The following TBX21 variants were observed in gnomAD, a reference collection of about 807,000 sequenced individuals.
The protein encoded by TBX21 is T-box transcription factor TBX21.
In TBX21, 11 loss-of-function variants were observed where a neutral mutation model predicts 52.2. The ratio of observed to expected loss-of-function variants is 0.21; its 90% CI spans 0.13 to 0.35. The LOEUF is 0.35. TBX21 is among the 10% of genes least tolerant of loss of function. The pLI is 1.00. For synonymous variants in TBX21, 300 were observed against 316.1 expected (o/e 0.95, Z 0.54); for missense variants, 625 against 755.1 (o/e 0.83, Z 2.02).
rs1018873771 is a variant in TBX21, at chr17:47,744,092, C to T, written c.769-103C>T. ...AGCAGGGGAATGGACAGGATGACCT[C>T]AAGGTGCTTGCTAGCCTCACGTGGG... On this transcript the variant is annotated intron_variant, in intron 3 of 5. Transcript: ENST00000177694. The T allele has an allele frequency of 6.2e-6, 9 of 1,457,844 alleles. No homozygotes were observed. The Admixed American group carries it at 1.7e-4, about 28-fold the overall frequency. The allele number at this position is 1,457,844 out of a possible 1,614,324, so 90.3% of individuals were successfully genotyped here. A position where few individuals can be genotyped will look rare whatever the true frequency, so the allele number is the denominator to read the frequency against.
In TBX21 at chr17:47,733,820, T is replaced by A; in HGVS notation, c.366T>A (p.Arg122=). 6.2e-7 allele frequency: 1 copy of A among 1,602,386 alleles called. No homozygotes were observed. The highest frequency in any genetic ancestry group is 8.5e-7 in the Non-Finnish European group (1 of 1,175,506). ...GCGCCGGGCTCTACCCGGGGCCGCG[T>A]GAGGACTACGCGCTACCCGCGGGAC... is the stretch of plus-strand genomic sequence containing the variant. ...DPRAGLYPGP[R]EDYALPAGLE... The change falls in exon 1 of 6, where the codon CGT becomes CGA. Residue 122 remains arginine (R), a synonymous_variant. Transcript: ENST00000177694. This position sits in a 1 kb window ranked among gnomAD's most constrained non-coding sequence, Gnocchi z 6.6.
chr17:47,739,748 C>T (rs907766829), intron 1 of TBX21, among the ~76,000 whole-genome samples: 5 of 144,956 alleles, frequency 3.4e-5, no homozygotes, highest in South Asian at 2.2e-4. Flanking sequence ...GGCAACAGAG[C>T]GAGACTCCGT....
chr17:47,733,705 C>A lies in TBX21; in HGVS notation c.251C>A (p.Ala84Asp), dbSNP rs1315836956. The change falls in exon 1 of 6, where the codon GCC becomes GAC. Residue 84 changes from alanine to aspartate, a missense_variant. Physicochemically the swap from Ala to Asp is moderately radical, Grantham distance 126. Coordinates refer to ENST00000177694, the MANE Select transcript of TBX21 (RefSeq NM_013351.2). This position sits in a 1 kb window ranked among gnomAD's most constrained non-coding sequence, Gnocchi z 6.6. ...AYAYPPRPQA[A>D]GFPGAGESFP... is the part of the protein sequence containing the mutation. ...GCCTACCCGCCGCGACCCCAGGCGG[C>A]CGGCTTCCCCGGCGCGGGCGAGTCC... The A allele has an allele frequency of 4.2e-6, 6 of 1,416,730 alleles. No individual in the cohort carries two copies. The East Asian group carries it at 1.9e-4, about 44-fold the overall frequency. 87.8% of individuals were successfully genotyped at this position (1,416,730 alleles called of 1,614,324 possible). A position where few individuals can be genotyped will look rare whatever the true frequency, so the allele number is the denominator to read the frequency against.
rs946672249 is a variant in TBX21 at position 47,733,634 on chromosome 17, G to A, written c.180G>A (p.Gly60=). Residue 60 remains glycine, a synonymous_variant, in exon 1 of 6, where the codon GGG becomes GGA. Transcript: ENST00000177694. The surrounding 1 kb of genome is among the most constrained non-coding windows in gnomAD (Gnocchi z 6.6). ...GGGSLGSPYP[G]GALVPAPPSR... ...GCAGCCTGGGGTCTCCCTACCCGGG[G>A]GGCGCCTTGGTGCCCGCCCCGCCGA... is the stretch of plus-strand genomic sequence containing the variant. 6.2e-6 allele frequency: 9 copies of A among 1,449,700 alleles called. No homozygotes were observed. The highest frequency in any genetic ancestry group is 8.1e-6 in the Non-Finnish European group (9 of 1,106,368). The allele number at this position is 1,449,700 out of a possible 1,614,324, so 89.8% of individuals were successfully genotyped here. A position where few individuals can be genotyped will look rare whatever the true frequency, so the allele number is the denominator to read the frequency against.
At chr17:47,737,946 A>T (rs932344085) in intron 1 of TBX21, among the ~76,000 whole-genome samples, 29 of 151,966 alleles carry the variant, frequency 1.9e-4, no homozygotes, top group Admixed American at 3.9e-4. Context: ...ATCTTAAAAA[A>T]TTTTTTTTAA....
chr17:47,737,199 G>A (rs781109701), intron 1 of TBX21, among the ~76,000 whole-genome samples: 2 of 152,162 alleles, frequency 1.3e-5, no homozygotes, highest in Non-Finnish European at 2.9e-5. Flanking sequence ...AGGCTTGTGC[G>A]AGGGTTTCTG....
chr17:47,744,461 C>G (rs1302366635), intron 4 of TBX21, 21 bp from the exon 5 acceptor site: 1 of 1,614,098 alleles, frequency 6.2e-7, no homozygotes, highest in South Asian at 1.1e-5. Context: ...ACTCAGGTGA[C>G]TCTATTTCCC....
intron 1 of TBX21, among the ~76,000 whole-genome samples, chr17:47,740,269 T>C (rs2032253807): frequency 6.6e-6 from 1 of 152,060 alleles, no homozygotes; most frequent in African/African-American, 2.4e-5. Flanking sequence ...GGTTTCACTA[T>C]GTTGGCCAGG....
At chr17:47,736,900 C>T (rs1236656033) in intron 1 of TBX21, among the ~76,000 whole-genome samples, 1 of 152,196 alleles carries the variant, frequency 6.6e-6, no homozygotes, top group African/African-American at 2.4e-5. Context: ...CAGCCTACAG[C>T]CCCACGGCTT....
Position 47,744,783 on chromosome 17 carries a change from C to T in TBX21, c.1025C>T (p.Pro342Leu), listed in dbSNP as rs150328272. The change falls in exon 6 of 6, where the codon CCG (proline) becomes CTG (leucine). Residue 342 changes from proline (P) to leucine (L), a missense_variant. This residue lies in a region of TBX21 where 261 missense variants were observed against 275.1 expected (regional missense o/e 0.95). Coordinates refer to ENST00000177694, the MANE Select transcript of TBX21 (RefSeq NM_013351.2). The stretch of plus-strand genomic sequence containing the variant: ...TCTGTTGACACCAGCATCCCCTCCC[C>T]GCCTGGACCCAACTGTCAATTCCTT... ...YTSVDTSIPS[P>L]PGPNCQFLGG... 33 of 1,613,940 alleles carry T rather than the reference C, an allele frequency of 2.0e-5. No individual in the cohort carries two copies. Among genetic ancestry groups the T allele is most frequent in the East Asian group, 4.5e-5 (2 of 44,882 alleles).
chr17:47,742,838 CT>C lies in TBX21; in HGVS notation c.646+75del, dbSNP rs2032282450. The C allele has an allele frequency of 6.7e-7, 1 of 1,498,112 alleles. No homozygotes were observed. The highest frequency in any genetic ancestry group is 2.2e-5 in the Admixed American group (1 of 45,604). 92.8% of individuals were successfully genotyped at this position (1,498,112 alleles called of 1,614,324 possible). A position where few individuals can be genotyped will look rare whatever the true frequency, so the allele number is the denominator to read the frequency against. ...GCCCCCTGGTGGGCCCACCAAGCCCCTACCCCTAATTCCTAGACCTTTAACC... is the reference window on the plus strand; with the variant it reads ...GCCCCCTGGTGGGCCCACCAAGCCCCACCCCTAATTCCTAGACCTTTAACC... On this transcript the variant is annotated intron_variant, in intron 2 of 5. Transcript: ENST00000177694. The surrounding 1 kb of genome is among the most constrained non-coding windows in gnomAD (Gnocchi z 4.4).
rs1038082803 is a variant in TBX21 at position 47,733,690 on chromosome 17, C to T, written c.236C>T (p.Pro79Leu). The change falls in exon 1 of 6, where the codon CCG becomes CTG. Residue 79 changes from proline to leucine, a missense_variant. Physicochemically the swap from Pro to Leu is moderately conservative, Grantham distance 98. Coordinates refer to ENST00000177694, the MANE Select transcript of TBX21 (RefSeq NM_013351.2). This position sits in a 1 kb window ranked among gnomAD's most constrained non-coding sequence, Gnocchi z 6.6. Reference protein sequence around the residue: ...SRFLGAYAYPPRPQAAGFPGA... With the variant: ...SRFLGAYAYPLRPQAAGFPGA... ...TTCCTTGGAGCCTACGCCTACCCGC[C>T]GCGACCCCAGGCGGCCGGCTTCCCC... The T allele has an allele frequency of 2.1e-6, 3 of 1,428,978 alleles. No individual in the cohort carries two copies. Among genetic ancestry groups the T allele is most frequent in the Non-Finnish European group, 2.7e-6 (3 of 1,092,282 alleles). The allele number at this position is 1,428,978 out of a possible 1,614,324, so 88.5% of individuals were successfully genotyped here. A position where few individuals can be genotyped will look rare whatever the true frequency, so the allele number is the denominator to read the frequency against.
chr17:47,734,622 G>GTGTGTGTGTGT (rs1567918990), intron 1 of TBX21, among the ~76,000 whole-genome samples: 28 of 99,586 alleles, frequency 2.8e-4, no homozygotes, highest in South Asian at 4.4e-4. Flanking sequence ...TGTGTGTGTG[G>GTGTGTGTGTGT]GTGTGTGTGT....
rs144456457 is a variant in TBX21, at chr17:47,740,028, G to A, written c.492-2582G>A. On this transcript the variant is annotated intron_variant, in intron 1 of 5. Transcript: ENST00000177694. ...GGACCGTCACCAAACCTCTCGGAGC[G>A]TCAGTTTCTTCAAATATAAAATTGG... 8.3e-3 allele frequency among the ~76,000 whole-genome samples: 1,270 copies of A among 152,134 alleles called. 9 individuals carry two copies. Among genetic ancestry groups the A allele is most frequent in the Non-Finnish European group, 0.013 (900 of 67,990 alleles).
chr17:47,742,292 G>A lies in TBX21; in HGVS notation c.492-318G>A, dbSNP rs1302909258. ...AGACGGGGTTTCGCCATGTTGGCCA[G>A]GCTGGTCTCGAACTCCTGACCTCAG... On this transcript the variant is annotated intron_variant, in intron 1 of 5. Transcript: ENST00000177694. This position sits in a 1 kb window ranked among gnomAD's most constrained non-coding sequence, Gnocchi z 4.4. Among the ~76,000 whole-genome samples, 1 of 152,114 alleles carries A rather than the reference G, an allele frequency of 6.6e-6. No homozygotes were observed. The highest frequency in any genetic ancestry group is 2.4e-5 in the African/African-American group (1 of 41,414).
chr17:47,738,640 G>C (rs1188674005), intron 1 of TBX21, among the ~76,000 whole-genome samples: 3 of 148,740 alleles, frequency 2.0e-5, no homozygotes, highest in African/African-American at 7.5e-5. Flanking sequence ...TCGTTCTGTT[G>C]CCCAGGCTGA....
rs969078496 is a variant in TBX21 at position 47,733,767 on chromosome 17, G to A, written c.313G>A (p.Gly105Ser). The change falls in exon 1 of 6, where the codon GGC (glycine) becomes AGC (serine). Residue 105 changes from glycine to serine, a missense_variant. Physicochemically the swap from Gly to Ser is moderately conservative, Grantham distance 56 (BLOSUM62 0). Transcript: ENST00000177694. This position sits in a 1 kb window ranked among gnomAD's most constrained non-coding sequence, Gnocchi z 6.6. ...CGCGGACGCCGAGGGCTACCAGCCG[G>A]GCGAGGGCTACGCCGCCCCGGACCC... is the stretch of plus-strand genomic sequence containing the variant. Reference protein sequence around the residue: ...PPADAEGYQPGEGYAAPDPRA... With the variant: ...PPADAEGYQPSEGYAAPDPRA... 1.3e-6 allele frequency: 2 copies of A among 1,506,862 alleles called. No homozygotes were observed. Among genetic ancestry groups the A allele is most frequent in the East Asian group, 2.8e-5 (1 of 35,438 alleles). The allele number at this position is 1,506,862 out of a possible 1,614,324, so 93.3% of individuals were successfully genotyped here. A position where few individuals can be genotyped will look rare whatever the true frequency, so the allele number is the denominator to read the frequency against.
chr17:47,737,783 G>T (rs1396973237), intron 1 of TBX21, among the ~76,000 whole-genome samples: 5 of 151,968 alleles, frequency 3.3e-5, no homozygotes, highest in Admixed American at 1.3e-4. Context: ...AAGCCACCAA[G>T]CCCAGCTAAT....
chr17:47,742,955 C>T lies in TBX21; in HGVS notation c.647-116C>T. ...GTCCTCTGCTGAGTCCTCTGCCCTT[C>T]CCTGCCTGGTCCTCCCCCTGTGTCC... On this transcript the variant is annotated intron_variant, in intron 2 of 5. Transcript: ENST00000177694. The surrounding 1 kb of genome is among the most constrained non-coding windows in gnomAD (Gnocchi z 4.4). 6.5e-7 allele frequency: 1 copy of T among 1,533,194 alleles called. No individual in the cohort carries two copies. 95.0% of individuals were successfully genotyped at this position (1,533,194 alleles called of 1,614,324 possible). A position where few individuals can be genotyped will look rare whatever the true frequency, so the allele number is the denominator to read the frequency against.
Sources: gnomAD v4.1 joint callset for allele counts (sites outside exome capture counted in the v4.1 genomes callset) on GRCh38, gnomAD v4.1.1 for gene constraint, gnomAD v4.1.1 regional missense constraint, Gnocchi (gnomAD v3.1) non-coding constraint, MANE v1.5 for transcripts, NCBI Gene and HGNC (gene_info 2026-07-23, HGNC 2026-07-21) for gene names.